Variants in SEC22A observed in about 807,000 individuals in gnomAD.
SEC22A encodes vesicle-trafficking protein SEC22a.
Under a neutral mutation model 35.3 loss-of-function variants are expected in SEC22A, and 22 were observed. That is an observed-to-expected ratio of 0.62 (90% CI 0.45 to 0.89). The LOEUF (loss-of-function observed/expected upper bound fraction) is 0.89, where lower values mean the gene tolerates loss of function less well. SEC22A is among the 40% of genes least tolerant of loss of function. The pLI is 0.00. For missense variants in SEC22A, 354 were observed against 362.5 expected (o/e 0.98, Z 0.19); for synonymous variants, 119 against 129.5 (o/e 0.92, Z 0.55).
chr3:123,231,527 G>A (rs1265974357), intron 4 of SEC22A, among the ~76,000 whole-genome samples: 1 of 152,108 alleles, frequency 6.6e-6, no homozygotes, highest in Non-Finnish European at 1.5e-5. Context: ...AAAGAAATTT[G>A]GGAAACTCAC....
At chr3:123,246,062 A>G (rs757153468) in intron 5 of SEC22A, 48 bp downstream of exon 5, 1 of 890,576 alleles carries the variant, frequency 1.1e-6, no homozygotes, top group Non-Finnish European at 1.9e-6. Context: ...TCTTCATTCT[A>G]CTGGTTACAT....
At chr3:123,233,284 C>T (rs562986257) in intron 4 of SEC22A, among the ~76,000 whole-genome samples, 28 of 152,280 alleles carry the variant, frequency 1.8e-4, no homozygotes, top group African/African-American at 6.7e-4. Context: ...CAGTAGTCTA[C>T]AGTAGCCAGT....
chr3:123,217,179 A>G (rs1203562439), intron 2 of SEC22A, among the ~76,000 whole-genome samples: 1 of 151,186 alleles, frequency 6.6e-6, no homozygotes, highest in African/African-American at 2.4e-5. Flanking sequence ...ATGGAATTCA[A>G]TGTGGAAGGC....
chr3:123,234,690 A>T (rs147702330), intron 4 of SEC22A, among the ~76,000 whole-genome samples: 1,910 of 152,304 alleles, frequency 0.013, 39 homozygotes, highest in African/African-American at 0.044. Context: ...ATAATCTTAT[A>T]TTAGGTTTTT....
Position 123,231,417 on chromosome 3 carries a change from A to G in SEC22A, c.541+6120A>G, listed in dbSNP as rs998567891. Among the ~76,000 whole-genome samples, 3 of 152,238 alleles carry G rather than the reference A, an allele frequency of 2.0e-5. No individual in the cohort carries two copies. The East Asian group carries it at 5.8e-4, about 29-fold the overall frequency. ...GGATAGACCTTATGCTAAGCTAAAC[A>G]AAACAAAAAGAAAAACAAAACCTTC... On this transcript the variant is annotated intron_variant, in intron 4 of 6. Transcript: ENST00000492595.
At chr3:123,251,378 C>CT (rs1039350614) in intron 5 of SEC22A, among the ~76,000 whole-genome samples, 7 of 152,152 alleles carry the variant, frequency 4.6e-5, no homozygotes, top group African/African-American at 1.7e-4. Context: ...AGAATCCTTT[C>CT]TTTTGTCTTA....
intron 1 of SEC22A, among the ~76,000 whole-genome samples, chr3:123,202,727 G>A (rs897157886): frequency 6.6e-6 from 1 of 152,160 alleles, no homozygotes; most frequent in Non-Finnish European, 1.5e-5. Flanking sequence ...GGGGCAGGGG[G>A]CGAGCTTGAG....
Position 123,210,839 on chromosome 3 carries a change from T to A in SEC22A, c.182+1440T>A, listed in dbSNP as rs569465693. ...TCCTGAAGAATTAATAAGAGTTGGC[T>A]AAGGCAGGGAGGAGGGCATTCCAGG... On this transcript the variant is annotated intron_variant, in intron 2 of 6. Transcript: ENST00000492595. Among the ~76,000 whole-genome samples, 3 of 152,264 alleles carry A rather than the reference T, an allele frequency of 2.0e-5. No homozygotes were observed. In the East Asian group the frequency reaches 5.8e-4, roughly 29 times the overall value.
At chr3:123,225,815 A>G (rs114560130) in intron 4 of SEC22A, among the ~76,000 whole-genome samples, 5,088 of 152,200 alleles carry the variant, frequency 0.033, 301 homozygotes, top group African/African-American at 0.12. Flanking sequence ...TATATTATGT[A>G]CCCATTAACC....
rs908549473 is a variant in SEC22A at position 123,272,401 on chromosome 3, A to T, written c.*679A>T. 6.6e-6 allele frequency: 1 copy of T among 152,202 alleles called. No individual in the cohort carries two copies. The highest frequency in any genetic ancestry group is 6.5e-5 in the Admixed American group (1 of 15,282). 9.4% of individuals were successfully genotyped at this position (152,202 alleles called of 1,614,324 possible). A position where few individuals can be genotyped will look rare whatever the true frequency, so the allele number is the denominator to read the frequency against. ...TATTGTTTCTTTTGAAATCACGTCT[A>T]AAAAATATGACTCACACTATAGCCG... On this transcript the variant is annotated 3_prime_UTR_variant, in exon 7 of 7. Coordinates refer to ENST00000492595, the MANE Select transcript of SEC22A (RefSeq NM_012430.5).
chr3:123,245,995 CT>C lies in SEC22A; in HGVS notation c.639del (p.Ile214Ter). 1 of 1,602,856 alleles carries C rather than the reference CT, an allele frequency of 6.2e-7. No homozygotes were observed. The highest frequency in any genetic ancestry group is 8.5e-7 in the Non-Finnish European group (1 of 1,169,888). The part of the protein sequence containing the change: ...GALNLIRGFH[A>X]IESLLQSDGD... ...CTGAATTTAATTCGAGGCTTTCATG[CT>C]ATAGAAAGTCTCCTGCAGGTACTGT... On this transcript the variant is annotated frameshift_variant, in exon 5 of 7. Transcript: ENST00000492595. LOFTEE classifies it high-confidence loss of function.
chr3:123,248,467 TATA>T (rs1415341988), intron 5 of SEC22A, among the ~76,000 whole-genome samples: 11 of 152,104 alleles, frequency 7.2e-5, no homozygotes, highest in African/African-American at 2.7e-4. Flanking sequence ...AAATTAAAAA[TATA>T]ATACCATTTA....
At chr3:123,220,738 C>G (rs1937105209) in intron 2 of SEC22A, among the ~76,000 whole-genome samples, 1 of 151,702 alleles carries the variant, frequency 6.6e-6, no homozygotes, top group Non-Finnish European at 1.5e-5. Flanking sequence ...CAGAAAGGAA[C>G]AACCAGGTTA....
At chr3:123,268,182 TG>T (rs972333510) in intron 6 of SEC22A, among the ~76,000 whole-genome samples, 63 of 152,306 alleles carry the variant, frequency 4.1e-4, no homozygotes, top group African/African-American at 1.4e-3. Flanking sequence ...AGGGGTTTTT[TG>T]TGTGATGTTT....
intron 5 of SEC22A, among the ~76,000 whole-genome samples, chr3:123,249,926 T>C (rs889977897): frequency 1.3e-5 from 2 of 152,030 alleles, no homozygotes; most frequent in African/African-American, 4.8e-5. Flanking sequence ...AAAGACCAAA[T>C]ATGGAAACAA....
At chr3:123,220,080 A>G (rs1273744646) in intron 2 of SEC22A, among the ~76,000 whole-genome samples, 1 of 152,242 alleles carries the variant, frequency 6.6e-6, no homozygotes, top group African/African-American at 2.4e-5. Context: ...TGTTAAAGAC[A>G]TAGGGTTTCC....
At chr3:123,246,744 T>C (rs1252422786) in intron 5 of SEC22A, among the ~76,000 whole-genome samples, 4 of 152,238 alleles carry the variant, frequency 2.6e-5, no homozygotes, top group Non-Finnish European at 5.9e-5. Flanking sequence ...ATTCACTTTC[T>C]CTGAAGAACT....
At chr3:123,270,313 A>C (rs1938130671) in intron 6 of SEC22A, among the ~76,000 whole-genome samples, 1 of 152,192 alleles carries the variant, frequency 6.6e-6, no homozygotes, top group Admixed American at 6.5e-5. Context: ...TTTTGCTTGG[A>C]TAGCAGTCTT....
intron 1 of SEC22A, among the ~76,000 whole-genome samples, chr3:123,202,746 C>T (rs1237449398): frequency 1.3e-5 from 2 of 152,130 alleles, no homozygotes; most frequent in Non-Finnish European, 2.9e-5. Context: ...AGAACCAGTC[C>T]CTCCTATGCC....
Sources: allele counts gnomAD v4.1 joint callset (sites outside exome capture counted in the v4.1 genomes callset), GRCh38; gene constraint gnomAD v4.1.1; transcripts MANE v1.5; gene names NCBI Gene and HGNC (gene_info 2026-07-23, HGNC 2026-07-21).